The following ARSG variants were observed in gnomAD, a reference collection of about 807,000 sequenced individuals.
ARSG encodes the protein ASG.
Under a neutral mutation model 50.5 loss-of-function variants are expected in ARSG, and 37 were observed. The ratio of observed to expected loss-of-function variants is 0.73; its 90% CI spans 0.56 to 0.96. ARSG has a LOEUF of 0.96. Among genes scored for constraint, ARSG ranks in the 50% least tolerant of loss-of-function variants. The pLI, the probability that ARSG is intolerant of heterozygous loss-of-function variation, is 0.00. For synonymous variants in ARSG, 225 were observed against 254.6 expected (o/e 0.88, Z 1.11); for missense variants, 629 against 675.3 (o/e 0.93, Z 0.76).
At chr17:68,445,195 T>C in the ARSG span, among the ~76,000 whole-genome samples, 1 of 151,902 alleles carries the variant, frequency 6.6e-6, no homozygotes, top group Admixed American at 6.6e-5. Context: ...GCTGGGATGA[T>C]AGGCCTGAGC....
At position 68,407,618 on chromosome 17, in the gene ARSG, T is replaced by C. The variant is rs924922581; in HGVS notation, c.1303+6168T>C. Among the ~76,000 whole-genome samples, 6 of 151,992 alleles carry C rather than the reference T, an allele frequency of 3.9e-5. No individual in the cohort carries two copies. The East Asian group carries it at 7.7e-4, about 20-fold the overall frequency. ...CCTAAGTTTTTTTTTTTTTCAGCTA[T>C]TGTAAAAGGGGTTGACTTCTTGATT... On this transcript the variant is annotated intron_variant, in intron 11 of 11. Coordinates refer to ENST00000621439, the MANE Select transcript of ARSG (RefSeq NM_001267727.2).
chr17:68,419,517 A>T (rs1254467341), intron 11 of ARSG, among the ~76,000 whole-genome samples: 2 of 152,206 alleles, frequency 1.3e-5, no homozygotes, highest in African/African-American at 4.8e-5. Context: ...CAGAGGTTGC[A>T]GTGAGCTGAA....
intron 2 of ARSG, among the ~76,000 whole-genome samples, chr17:68,330,928 T>A (rs1304065450): frequency 6.7e-6 from 1 of 149,238 alleles, no homozygotes; most frequent in Non-Finnish European, 1.5e-5. Context: ...GGACGCTGCA[T>A]TTTCTTTACC....
At position 68,271,193 on chromosome 17, in the gene ARSG, C is replaced by G. The variant is rs531982378; in HGVS notation, c.-552+11767C>G. Reference sequence around the variant, plus strand: ...AAAGCAGCGCGGTCCTGGTCAATGCCCAGACTAATGCCCAGAGGAATGATG... The same window carrying G: ...AAAGCAGCGCGGTCCTGGTCAATGCGCAGACTAATGCCCAGAGGAATGATG... On this transcript the variant is annotated intron_variant, in intron 1 of 11. Coordinates refer to the ARSG transcript ENST00000448504. This position sits in a 1 kb window ranked among gnomAD's most constrained non-coding sequence, Gnocchi z 5.3. 6.2e-7 allele frequency: 1 copy of G among 1,613,998 alleles called. No individual in the cohort carries two copies. The highest frequency in any genetic ancestry group is 2.2e-5 in the East Asian group (1 of 44,886).
At chr17:68,262,091 G>T (rs2075079631) in intron 1 of ARSG, among the ~76,000 whole-genome samples, 1 of 151,144 alleles carries the variant, frequency 6.6e-6, no homozygotes, top group Non-Finnish European at 1.5e-5. Flanking sequence ...TGGAGGCGGA[G>T]GTTGCAGTGA....
intron 1 of ARSG, among the ~76,000 whole-genome samples, chr17:68,265,484 ACT>A (rs2144870305): frequency 6.6e-6 from 1 of 152,310 alleles, no homozygotes; most frequent in African/African-American, 2.4e-5. Flanking sequence ...ACAGAGCAAG[ACT>A]CTGTCTCAAA....
the ARSG span, among the ~76,000 whole-genome samples, chr17:68,433,760 G>GTTTTTTTTTTTTTTT: frequency 1.1e-4 from 8 of 72,822 alleles, 1 homozygote; most frequent in African/African-American, 4.6e-4. Flanking sequence ...AAGGGTCATA[G>GTTTTTTTTTTTTTTT]TTTTTTTTTT....
chr17:68,429,626 T>C, the ARSG span, among the ~76,000 whole-genome samples: 1 of 152,078 alleles, frequency 6.6e-6, no homozygotes, highest in Admixed American at 6.6e-5. Context: ...TCTTGCTCTG[T>C]CGCCCAGGCT....
At chr17:68,362,632 A>G (rs1407079487) in intron 6 of ARSG, among the ~76,000 whole-genome samples, 1 of 151,984 alleles carries the variant, frequency 6.6e-6, no homozygotes, top group Non-Finnish European at 1.5e-5. Flanking sequence ...CAGATTTTGG[A>G]TTTTTAAAGA....
At chr17:68,403,252 A>T (rs930586146) in intron 11 of ARSG, among the ~76,000 whole-genome samples, 1 of 152,202 alleles carries the variant, frequency 6.6e-6, no homozygotes, top group African/African-American at 2.4e-5. Context: ...GGCTGAGTTA[A>T]TTTCACAAGT....
chr17:68,292,442 T>C (rs1302077851), intron 1 of ARSG, among the ~76,000 whole-genome samples: 1 of 152,182 alleles, frequency 6.6e-6, no homozygotes, highest in Non-Finnish European at 1.5e-5. Flanking sequence ...ATCCTAGACA[T>C]TTCAGAGCCT....
chr17:68,278,100 A>G, intron 1 of ARSG: 13 of 1,612,624 alleles, frequency 8.1e-6, no homozygotes, highest in Non-Finnish European at 1.1e-5. Context: ...TGAAAATGTT[A>G]AGACAAACAC....
chr17:68,281,469 C>T (rs782787600), intron 1 of ARSG, among the ~76,000 whole-genome samples: 3 of 151,278 alleles, frequency 2.0e-5, no homozygotes, highest in Non-Finnish European at 2.9e-5. Flanking sequence ...CAGCTACTCG[C>T]GAGGCTGAGG....
chr17:68,450,927 T>G, the ARSG span: 1 of 1,599,124 alleles, frequency 6.3e-7, no homozygotes, highest in African/African-American at 1.3e-5. Flanking sequence ...GGAGGTTACA[T>G]GGATTGATCA....
chr17:68,312,760 A>G (rs2076915725), intron 2 of ARSG, among the ~76,000 whole-genome samples: 1 of 152,102 alleles, frequency 6.6e-6, no homozygotes, highest in South Asian at 2.1e-4. Flanking sequence ...GAACTGATTC[A>G]TCGCTGGTTT....
the ARSG span, among the ~76,000 whole-genome samples, chr17:68,443,565 T>C: frequency 1.1e-3 from 149 of 139,772 alleles, 4 homozygotes; most frequent in South Asian, 0.032. Flanking sequence ...TTCACAAACA[T>C]TACCTTGTTT....
At chr17:68,287,573 C>G (rs1237253979), upstream of ARSG, among the ~76,000 whole-genome samples, 1 of 152,096 alleles carries the variant, frequency 6.6e-6, no homozygotes, top group African/African-American at 2.4e-5. Flanking sequence ...CTAGCTAGAG[C>G]CACATATAAC....
chr17:68,307,127 AG>A lies in ARSG; in HGVS notation c.-364del, dbSNP rs2076638070. 1 of 216,688 alleles carries A rather than the reference AG, an allele frequency of 4.6e-6. No homozygotes were observed. Among genetic ancestry groups the A allele is most frequent in the Admixed American group, 5.4e-5 (1 of 18,512 alleles). 13.4% of individuals were successfully genotyped at this position (216,688 alleles called of 1,614,324 possible). On this transcript the variant is annotated 5_prime_UTR_variant, in exon 2 of 12. Coordinates refer to ENST00000621439, the MANE Select transcript of ARSG (RefSeq NM_001267727.2). ...GTGGCTCTGAGGCCCTGAATACAGA[AG>A]GGTCACTTTCTTAGTGGCCAAAGAG...
chr17:68,379,428 T>TTA (rs2146927780), intron 8 of ARSG, among the ~76,000 whole-genome samples: 1 of 115,308 alleles, frequency 8.7e-6, no homozygotes, highest in Admixed American at 8.5e-5. Context: ...ACAATTTTTT[T>TTA]TTTTTTTTTT....
Sources: gnomAD v4.1 joint callset for allele counts (sites outside exome capture counted in the v4.1 genomes callset) on GRCh38, gnomAD v4.1.1 for gene constraint, Gnocchi (gnomAD v3.1) non-coding constraint, MANE v1.5 for transcripts, NCBI Gene and HGNC (gene_info 2026-07-23, HGNC 2026-07-21) for gene names.